The following IGSF21 variants were observed in gnomAD, a reference collection of about 807,000 sequenced individuals.
The protein encoded by IGSF21 is immunoglobulin superfamily member 21.
A neutral mutation model predicts 46.8 loss-of-function variants in IGSF21; 28 were observed. The observed-to-expected ratio is 0.60, with a 90% CI of 0.44 to 0.82. The LOEUF is 0.82. Among genes scored for constraint, IGSF21 ranks in the 40% least tolerant of loss-of-function variants. The probability of loss-of-function intolerance (pLI) is 0.00; values close to 1 mark genes in which losing one functional copy is unlikely to be tolerated. For missense variants in IGSF21, 624 were observed against 665.5 expected (o/e 0.94, Z 0.69); for synonymous variants, 284 against 273.6 (o/e 1.04, Z -0.38).
chr1:18,368,903 G>A (rs2086197002), intron 6 of IGSF21, among the ~76,000 whole-genome samples: 1 of 152,172 alleles, frequency 6.6e-6, no homozygotes, highest in African/African-American at 2.4e-5. Flanking sequence ...GTGATGAGAG[G>A]GGGTGTGCCT....
chr1:18,201,492 T>G (rs1386620842), intron 1 of IGSF21, among the ~76,000 whole-genome samples: 1 of 152,144 alleles, frequency 6.6e-6, no homozygotes, highest in Non-Finnish European at 1.5e-5. Flanking sequence ...TGGAAGTCTA[T>G]CATCCAGAAA....
chr1:18,366,626 G>A (rs529858103), intron 6 of IGSF21, among the ~76,000 whole-genome samples: 1 of 152,306 alleles, frequency 6.6e-6, no homozygotes, highest in South Asian at 2.1e-4. Flanking sequence ...TTTTTGCCAG[G>A]TTGGGGTCAG....
rs143271591 is a variant in IGSF21 at position 18,184,536 on chromosome 1, C to T, written c.71-43362C>T. Among the ~76,000 whole-genome samples, 244 of 152,324 alleles carry T rather than the reference C, an allele frequency of 1.6e-3. 3 individuals carry two copies. Among genetic ancestry groups the T allele is most frequent in the African/African-American group, 5.5e-3 (228 of 41,572 alleles). On this transcript the variant is annotated intron_variant, in intron 1 of 9. Coordinates refer to ENST00000251296, the MANE Select transcript of IGSF21 (RefSeq NM_032880.5). ...CGCTTGTCTGGACTCCCACCGCACA[C>T]GGGCTGCAGCCTGGTGACAGCCTGT...
At chr1:18,255,700 C>T (rs979951462) in intron 2 of IGSF21, among the ~76,000 whole-genome samples, 1 of 152,182 alleles carries the variant, frequency 6.6e-6, no homozygotes, top group African/African-American at 2.4e-5. Flanking sequence ...CCTCAACCCC[C>T]CTTCCTACTG....
chr1:18,170,933 G>A (rs1447061789), intron 1 of IGSF21, among the ~76,000 whole-genome samples: 2 of 152,174 alleles, frequency 1.3e-5, no homozygotes, highest in Non-Finnish European at 2.9e-5. Context: ...AGAGGGTCAG[G>A]TTATGGTGGA....
intron 8 of IGSF21, 70 bp downstream of exon 8, chr1:18,377,062 G>T (rs1469844056): frequency 6.7e-7 from 1 of 1,496,252 alleles, no homozygotes; most frequent in African/African-American, 1.4e-5. Flanking sequence ...GGTTTCCCCA[G>T]GAGGAAGAAG....
chr1:18,132,361 T>C (rs58542208), intron 1 of IGSF21, among the ~76,000 whole-genome samples: 42,267 of 152,178 alleles, frequency 0.28, 7,288 homozygotes, highest in East Asian at 0.65. Flanking sequence ...GGGCCCTGCC[T>C]GACTCATTGA....
intron 2 of IGSF21, among the ~76,000 whole-genome samples, chr1:18,243,019 G>T (rs551046023): frequency 6.6e-6 from 1 of 152,172 alleles, no homozygotes; most frequent in African/African-American, 2.4e-5. Flanking sequence ...CCCATCAGGC[G>T]CTCAGTGAAG....
intron 1 of IGSF21, among the ~76,000 whole-genome samples, chr1:18,193,189 G>A (rs1388341590): frequency 2.6e-5 from 4 of 152,128 alleles, no homozygotes; most frequent in Admixed American, 6.5e-5. Context: ...GTGGGGCCAG[G>A]GGTAGTAGGC....
chr1:18,296,760 C>G (rs941713727), intron 3 of IGSF21, among the ~76,000 whole-genome samples: 4 of 152,142 alleles, frequency 2.6e-5, no homozygotes, highest in African/African-American at 9.7e-5. Flanking sequence ...CTTGGAGGTC[C>G]AAGTGAATCA....
chr1:18,176,802 A>AGG (rs1441355826), intron 1 of IGSF21, among the ~76,000 whole-genome samples: 38 of 152,260 alleles, frequency 2.5e-4, no homozygotes, highest in African/African-American at 8.4e-4. Context: ...TGTAAATAAA[A>AGG]CGTTGTCAGC....
At chr1:18,204,644 AAC>A (rs981933462) in intron 1 of IGSF21, among the ~76,000 whole-genome samples, 1 of 152,110 alleles carries the variant, frequency 6.6e-6, no homozygotes, top group African/African-American at 2.4e-5. Flanking sequence ...CCAGTTTACA[AAC>A]ACACAAGGCA....
chr1:18,291,937 C>G lies in IGSF21; in HGVS notation c.255C>G (p.His85Gln). Residue 85 changes from histidine to glutamine, a missense_variant, in exon 3 of 10, where the codon CAC (histidine) becomes CAG (glutamine). Physicochemically the swap from His to Gln is conservative, Grantham distance 24. Transcript: ENST00000251296. ...CCATGTTCTCCACCAACTACTCACACATGGAGAACTACCGCAAGCGAGAGG... is the reference window on the plus strand; with the variant it reads ...CCATGTTCTCCACCAACTACTCACAGATGGAGAACTACCGCAAGCGAGAGG... ...FDAMFSTNYS[H>Q]MENYRKREDL... 6.2e-7 allele frequency: 1 copy of G among 1,614,010 alleles called. No homozygotes were observed.
At chr1:18,256,784 C>A (rs1236391338) in intron 2 of IGSF21, among the ~76,000 whole-genome samples, 1 of 152,196 alleles carries the variant, frequency 6.6e-6, no homozygotes, top group Non-Finnish European at 1.5e-5. Flanking sequence ...ATCCCAGCCG[C>A]AAATAATTTA....
rs753645716 is a variant in IGSF21, at chr1:18,334,936, A to T, written c.350A>T (p.His117Leu). ...TCAGACAATGGTCCCTATGAGTGCC[A>T]TGTGGGCATCTACGACCGCGCCACC... ...RISDNGPYEC[H>L]VGIYDRATRE... Residue 117 changes from histidine to leucine, a missense_variant, in exon 4 of 10, where the codon CAT (histidine) becomes CTT (leucine). Coordinates refer to ENST00000251296, the MANE Select transcript of IGSF21 (RefSeq NM_032880.5). This position sits in a 1 kb window ranked among gnomAD's most constrained non-coding sequence, Gnocchi z 4.3. The T allele has an allele frequency of 6.2e-7, 1 of 1,614,148 alleles. No individual in the cohort carries two copies. The highest frequency in any genetic ancestry group is 8.5e-7 in the Non-Finnish European group (1 of 1,180,018).
At chr1:18,315,621 G>T (rs1433020648) in intron 3 of IGSF21, among the ~76,000 whole-genome samples, 2 of 150,910 alleles carry the variant, frequency 1.3e-5, no homozygotes, top group African/African-American at 4.9e-5. Flanking sequence ...GTGGATGATG[G>T]ATTGGTAGAT....
intron 4 of IGSF21, among the ~76,000 whole-genome samples, chr1:18,359,423 GAA>G (rs1340129244): frequency 6.9e-6 from 1 of 145,362 alleles, no homozygotes; most frequent in Non-Finnish European, 1.5e-5. Flanking sequence ...AGGAAGGAAG[GAA>G]GGAAGGAAGG....
In IGSF21 at chr1:18,221,860, A is replaced by G. The variant is rs146898447; in HGVS notation, c.71-6038A>G. Among the ~76,000 whole-genome samples, 18 of 152,250 alleles carry G rather than the reference A, an allele frequency of 1.2e-4. No individual in the cohort carries two copies. The East Asian group carries it at 3.5e-3, about 29-fold the overall frequency. Reference sequence around the variant, plus strand: ...AAGGAATGGTGTTGAGTTGTACCCAAAAGGAAGGTGGGAAGGTGGCCTCTG... The same window carrying G: ...AAGGAATGGTGTTGAGTTGTACCCAGAAGGAAGGTGGGAAGGTGGCCTCTG... On this transcript the variant is annotated intron_variant, in intron 1 of 9. Coordinates refer to ENST00000251296, the MANE Select transcript of IGSF21 (RefSeq NM_032880.5).
At chr1:18,201,391 C>T (rs918041746) in intron 1 of IGSF21, among the ~76,000 whole-genome samples, 1 of 152,196 alleles carries the variant, frequency 6.6e-6, no homozygotes, top group African/African-American at 2.4e-5. Flanking sequence ...GCTCCAAGGG[C>T]TAATCCAGCA....
Sources: gnomAD v4.1 joint callset for allele counts (sites outside exome capture counted in the v4.1 genomes callset) on GRCh38, gnomAD v4.1.1 for gene constraint, Gnocchi (gnomAD v3.1) non-coding constraint, MANE v1.5 for transcripts, NCBI Gene and HGNC (gene_info 2026-07-23, HGNC 2026-07-21) for gene names.